HS6ST2: variants seen among roughly 807,000 people sequenced by gnomAD.
HS6ST2 encodes heparan sulfate 6-O-sulfotransferase 2, also known as heparan-sulfate 6-O-sulfotransferase 2.
In HS6ST2, 17 loss-of-function variants were observed where a neutral mutation model predicts 33.0. That is an observed-to-expected ratio of 0.52 (90% CI 0.35 to 0.77). The LOEUF is 0.77. HS6ST2 is among the 30% of genes least tolerant of loss of function. The pLI is 0.01. For missense variants in HS6ST2, 519 were observed against 551.7 expected (o/e 0.94, Z 0.59); for synonymous variants, 248 against 237.1 (o/e 1.05, Z -0.42).
intron 3 of HS6ST2, 98 bp from the exon 4 acceptor site, chrX:132,669,297 GCATATCCCCC>G: frequency 1.6e-6 from 1 of 624,993 alleles, no homozygotes; most frequent in Non-Finnish European, 2.4e-6. Flanking sequence ...AGGCCAGCCT[GCATATCCCCC>G]CACCACCCCC....
intron 2 of HS6ST2, among the ~76,000 whole-genome samples, chrX:132,898,407 A>ATATATAT (rs1569502414): frequency 9.7e-6 from 1 of 102,764 alleles, no homozygotes; most frequent in Non-Finnish European, 2.0e-5. Flanking sequence ...ATATATATAT[A>ATATATAT]AGCTTCTCTG....
At chrX:132,734,717 A>G (rs1379841086) in intron 2 of HS6ST2, among the ~76,000 whole-genome samples, 1 of 112,450 alleles carries the variant, frequency 8.9e-6, no homozygotes, top group East Asian at 2.8e-4. Flanking sequence ...CTGTCTCTTT[A>G]CAAGCAAAGC....
intron 3 of HS6ST2, among the ~76,000 whole-genome samples, chrX:132,706,545 C>T (rs1202807615): frequency 8.9e-6 from 1 of 111,828 alleles, no homozygotes; most frequent in African/African-American, 3.2e-5. Flanking sequence ...CTTAGAAAAA[C>T]AAATGAGGTT....
At chrX:132,851,839 T>A (rs888854398) in intron 2 of HS6ST2, among the ~76,000 whole-genome samples, 3 of 111,846 alleles carry the variant, frequency 2.7e-5, no homozygotes, top group Non-Finnish European at 1.9e-5. Flanking sequence ...TAGGGGATGA[T>A]CTTTTTCAAA....
chrX:132,945,886 A>C (rs2066948369), intron 2 of HS6ST2, among the ~76,000 whole-genome samples: 1 of 106,292 alleles, frequency 9.4e-6, no homozygotes, highest in Non-Finnish European at 1.9e-5. Flanking sequence ...GCATTAGGAG[A>C]TATACCTAAT....
chrX:132,799,508 A>G (rs1250094897), intron 2 of HS6ST2, among the ~76,000 whole-genome samples: 3 of 109,378 alleles, frequency 2.7e-5, no homozygotes, highest in Non-Finnish European at 3.8e-5. Flanking sequence ...CCAAGAAGCT[A>G]TACTACAGGT....
intron 2 of HS6ST2, among the ~76,000 whole-genome samples, chrX:132,880,961 A>T (rs1201516900): frequency 9.1e-6 from 1 of 109,845 alleles, no homozygotes; most frequent in Non-Finnish European, 1.9e-5. Flanking sequence ...TGCACTCATC[A>T]TTTTTTATGG....
intron 2 of HS6ST2, among the ~76,000 whole-genome samples, chrX:132,855,706 C>A (rs2065847075): frequency 8.9e-6 from 1 of 112,000 alleles, no homozygotes; most frequent in Admixed American, 9.5e-5. Flanking sequence ...GTGTTTAATC[C>A]TCTACTCCCT....
At chrX:132,709,812 A>AACACAC (rs60459374) in intron 2 of HS6ST2, among the ~76,000 whole-genome samples, 1,243 of 92,034 alleles carry the variant, frequency 0.014, 7 homozygotes, top group Middle Eastern at 0.017. Flanking sequence ...GAAAAGACAA[A>AACACAC]ACACACACAC....
intron 2 of HS6ST2, among the ~76,000 whole-genome samples, chrX:132,930,059 G>T (rs2066749670): frequency 8.9e-6 from 1 of 111,826 alleles, no homozygotes; most frequent in South Asian, 3.8e-4. Flanking sequence ...CATCAAGGTG[G>T]GTGGGCAGAA....
intron 2 of HS6ST2, among the ~76,000 whole-genome samples, chrX:132,833,632 G>A (rs1202950033): frequency 1.8e-5 from 2 of 111,111 alleles, no homozygotes; most frequent in Non-Finnish European, 3.8e-5. Flanking sequence ...CCCCACTTGG[G>A]GAAGTAAGCA....
intron 4 of HS6ST2, among the ~76,000 whole-genome samples, chrX:132,651,924 G>A (rs896700012): frequency 8.9e-6 from 1 of 112,133 alleles, no homozygotes; most frequent in African/African-American, 3.2e-5. Flanking sequence ...CTCACAACTT[G>A]TGTGGGTTGT....
intron 2 of HS6ST2, among the ~76,000 whole-genome samples, chrX:132,818,106 G>T (rs2065412880): frequency 9.0e-6 from 1 of 111,342 alleles, no homozygotes. Context: ...TAGGTGAAGA[G>T]CCCAATTTTG....
intron 2 of HS6ST2, among the ~76,000 whole-genome samples, chrX:132,800,170 C>T (rs1361221268): frequency 1.8e-5 from 2 of 111,894 alleles, no homozygotes; most frequent in East Asian, 2.8e-4. Flanking sequence ...CTATCACTTG[C>T]ATTACTGCCT....
At chrX:132,888,686 T>C (rs1645554778) in intron 2 of HS6ST2, among the ~76,000 whole-genome samples, 1 of 111,546 alleles carries the variant, frequency 9.0e-6, no homozygotes, top group African/African-American at 3.3e-5. Context: ...CTATTTTTTG[T>C]AGAGACAGGG....
At chrX:132,836,058 T>A (rs2065640623) in intron 2 of HS6ST2, among the ~76,000 whole-genome samples, 1 of 111,960 alleles carries the variant, frequency 8.9e-6, no homozygotes. Flanking sequence ...CTCTACACAT[T>A]TTTTAGGCTC....
At chrX:132,635,625 C>G (rs771089484) in intron 4 of HS6ST2, among the ~76,000 whole-genome samples, 1 of 111,109 alleles carries the variant, frequency 9.0e-6, no homozygotes, top group South Asian at 3.8e-4. Flanking sequence ...CTCTGGGCCA[C>G]TTGGCAATAT....
chrX:132,932,983 A>G (rs1242381167), intron 2 of HS6ST2, among the ~76,000 whole-genome samples: 1 of 107,582 alleles, frequency 9.3e-6, no homozygotes, highest in Non-Finnish European at 1.9e-5. Flanking sequence ...ACATTATAAA[A>G]ATGAAACTAA....
intron 2 of HS6ST2, among the ~76,000 whole-genome samples, chrX:132,932,169 G>A (rs1269391451): frequency 2.1e-5 from 2 of 95,637 alleles, no homozygotes; most frequent in East Asian, 6.6e-4. Context: ...CTGGGTGACA[G>A]AGCAAGACTC....
Sources: allele counts gnomAD v4.1 joint callset (sites outside exome capture counted in the v4.1 genomes callset), GRCh38; gene constraint gnomAD v4.1.1; transcripts MANE v1.5; gene names NCBI Gene and HGNC (gene_info 2026-07-23, HGNC 2026-07-21).